The following THSD4 variants were observed in gnomAD, a reference collection of about 807,000 sequenced individuals.
THSD4 encodes the protein thrombospondin type-1 domain-containing protein 4.
THSD4 carries 69 observed loss-of-function variants against 119.0 expected under a neutral mutation model. The observed-to-expected ratio is 0.58, with a 90% confidence interval of 0.48 to 0.71. The LOEUF (loss-of-function observed/expected upper bound fraction) is 0.71, where lower values mean the gene tolerates loss of function less well. Ranked by LOEUF, THSD4 falls within the 30% of genes least tolerant of loss-of-function variation. The probability of loss-of-function intolerance (pLI) is 0.00; values close to 1 mark genes in which losing one functional copy is unlikely to be tolerated. For missense variants in THSD4, 1,393 were observed against 1,391.1 expected (o/e 1.00, Z -0.02); for synonymous variants, 524 against 540.4 (o/e 0.97, Z 0.42).
At chr15:71,486,722 C>T (rs1415206973) in intron 7 of THSD4, among the ~76,000 whole-genome samples, 1 of 151,582 alleles carries the variant, frequency 6.6e-6, no homozygotes, top group Non-Finnish European at 1.5e-5. Context: ...TCTGCAGCTC[C>T]CGGGTGTGAA....
intron 8 of THSD4, among the ~76,000 whole-genome samples, chr15:71,728,260 C>G (rs1432527508): frequency 6.6e-6 from 1 of 152,124 alleles, no homozygotes. Context: ...TCCTCTTTCT[C>G]CTTTCCCTCC....
In THSD4 at chr15:71,275,214, G is replaced by A. The variant is rs1260382467; in HGVS notation, c.1015+18499G>A. On this transcript the variant is annotated intron_variant, in intron 6 of 17. Transcript: ENST00000261862. ...CACAGCCCACCAAGCTGAGAGCAGCGATTTGCCTGAGGGCCTGCAGAAGAA... is the reference window on the plus strand; with the variant it reads ...CACAGCCCACCAAGCTGAGAGCAGCAATTTGCCTGAGGGCCTGCAGAAGAA... Among the ~76,000 whole-genome samples, 6 of 151,796 alleles carry A rather than the reference G, an allele frequency of 4.0e-5. No individual in the cohort carries two copies. The East Asian group carries it at 7.8e-4, about 20-fold the overall frequency.
chr15:71,377,505 G>A (rs1206687826), intron 6 of THSD4, among the ~76,000 whole-genome samples: 1 of 152,138 alleles, frequency 6.6e-6, no homozygotes, highest in Non-Finnish European at 1.5e-5. Flanking sequence ...AACAACCCCA[G>A]GGGAAGGGAA....
rs899025053 is a variant in THSD4, at chr15:71,193,085, G to T, written c.100-21950G>T. 1.4e-4 allele frequency among the ~76,000 whole-genome samples: 22 copies of T among 152,222 alleles called. 1 individual carries two copies. Among genetic ancestry groups the T allele is most frequent in the African/African-American group, 5.1e-4 (21 of 41,458 alleles). ...CAGGAATACGAATGACTTCTAGTGGGATGGGCGGGGATCCTGGGGGGATGC... is the reference window on the plus strand; with the variant it reads ...CAGGAATACGAATGACTTCTAGTGGTATGGGCGGGGATCCTGGGGGGATGC... On this transcript the variant is annotated intron_variant, in intron 3 of 17. Transcript: ENST00000261862.
At chr15:71,528,047 CCTAG>C in intron 7 of THSD4, among the ~76,000 whole-genome samples, 1 of 152,204 alleles carries the variant, frequency 6.6e-6, no homozygotes, top group East Asian at 1.9e-4. Flanking sequence ...CCTGATATAT[CCTAG>C]GTATAAGCCT....
In THSD4 at chr15:71,757,980, G is replaced by C. The variant is rs1270367118; in HGVS notation, c.2494G>C (p.Glu832Gln). 1.2e-6 allele frequency: 2 copies of C among 1,614,128 alleles called. No homozygotes were observed. The highest frequency in any genetic ancestry group is 1.7e-6 in the Non-Finnish European group (2 of 1,180,040). ...MTNHVSSLPL[E>Q]GCGNNRPAEA... ...CAACCATGTCAGCAGCCTGCCCCTG[G>C]AGGGCTGTGGGAACAACCGGCCGGC... The change falls in exon 15 of 18, where the codon GAG becomes CAG. Residue 832 changes from glutamate (E) to glutamine (Q), a missense_variant. Glu to Gln is a conservative substitution (Grantham distance 29). Coordinates refer to ENST00000261862, the MANE Select transcript of THSD4 (RefSeq NM_024817.3).
chr15:71,547,181 C>G, intron 7 of THSD4: 2 of 1,316,260 alleles, frequency 1.5e-6, no homozygotes, highest in Non-Finnish European at 1.9e-6. Context: ...CTCCTGTCCC[C>G]TCCCCCAGCC....
rs563818462 is a variant in THSD4, at chr15:71,156,602, G to C, written c.99+1670G>C. ...TCATAGGGGAAATTCAGGACAGAAG[G>C]GGGCCAAGAAAAAAGAGTATGTGCA... is the stretch of plus-strand genomic sequence containing the variant. On this transcript the variant is annotated intron_variant, in intron 3 of 17. Transcript: ENST00000261862. 2.0e-4 allele frequency among the ~76,000 whole-genome samples: 31 copies of C among 152,194 alleles called. No individual in the cohort carries two copies. In the East Asian group the frequency reaches 5.8e-3, roughly 28 times the overall value.
chr15:71,308,741 C>G (rs2045068783), intron 6 of THSD4, among the ~76,000 whole-genome samples: 1 of 152,096 alleles, frequency 6.6e-6, no homozygotes. Context: ...ATCGTGTGGC[C>G]TTGGGTATAT....
At chr15:71,735,582 T>TTC (rs948014020) in intron 10 of THSD4, among the ~76,000 whole-genome samples, 2 of 146,934 alleles carry the variant, frequency 1.4e-5, no homozygotes, top group Admixed American at 6.7e-5. Context: ...CACTCTCTGT[T>TTC]TCTCTCTCTC....
At chr15:71,645,720 C>G (rs1454317660) in intron 7 of THSD4, among the ~76,000 whole-genome samples, 1 of 152,122 alleles carries the variant, frequency 6.6e-6, no homozygotes, top group Non-Finnish European at 1.5e-5. Context: ...TTTGGTGCAA[C>G]AGAAAACAAA....
intron 7 of THSD4, among the ~76,000 whole-genome samples, chr15:71,457,361 C>T (rs1211134292): frequency 1.8e-5 from 2 of 111,556 alleles, no homozygotes; most frequent in East Asian, 5.9e-4. Context: ...GCCTGGGTGG[C>T]AGAGTGAGAT....
chr15:71,135,622 G>A (rs1298671947), intron 1 of THSD4, among the ~76,000 whole-genome samples: 2 of 152,128 alleles, frequency 1.3e-5, no homozygotes, highest in Non-Finnish European at 2.9e-5. Flanking sequence ...ATTTATTCAG[G>A]GGGTACCTTG....
chr15:71,569,013 GAA>G (rs1483005192), intron 7 of THSD4, among the ~76,000 whole-genome samples: 1 of 152,156 alleles, frequency 6.6e-6, no homozygotes, highest in African/African-American at 2.4e-5. Context: ...GGGAGAAAAT[GAA>G]AAAGTGTTGT....
chr15:71,313,292 A>G (rs2045138113), intron 6 of THSD4, among the ~76,000 whole-genome samples: 1 of 152,118 alleles, frequency 6.6e-6, no homozygotes, highest in African/African-American at 2.4e-5. Flanking sequence ...GTGTACATGC[A>G]TGTGCTCACA....
intron 7 of THSD4, among the ~76,000 whole-genome samples, chr15:71,517,372 C>T (rs2048376214): frequency 6.6e-6 from 1 of 152,188 alleles, no homozygotes; most frequent in South Asian, 2.1e-4. Context: ...CATGCTTCTT[C>T]TTCCTCTTGC....
intron 4 of THSD4, among the ~76,000 whole-genome samples, chr15:71,241,809 C>T (rs562100835): frequency 6.6e-5 from 10 of 152,324 alleles, no homozygotes; most frequent in African/African-American, 1.9e-4. Context: ...CTTGTCCAAC[C>T]CATGGCCCAT....
At chr15:71,386,345 A>G (rs1038365273) in intron 6 of THSD4, among the ~76,000 whole-genome samples, 1 of 152,194 alleles carries the variant, frequency 6.6e-6, no homozygotes, top group Non-Finnish European at 1.5e-5. Context: ...TTCCAGATTC[A>G]GCCAAGGGTT....
intron 6 of THSD4, among the ~76,000 whole-genome samples, chr15:71,389,807 G>GTTTTT (rs1237701264): frequency 5.2e-4 from 24 of 46,246 alleles, no homozygotes; most frequent in South Asian, 8.1e-4. Flanking sequence ...TATTTTCTGG[G>GTTTTT]TTGTTTTTTT....
Sources: gnomAD v4.1 joint callset for allele counts (sites outside exome capture counted in the v4.1 genomes callset) on GRCh38, gnomAD v4.1.1 for gene constraint, MANE v1.5 for transcripts, NCBI Gene and HGNC (gene_info 2026-07-23, HGNC 2026-07-21) for gene names.